TTC6: variants seen among roughly 807,000 people sequenced by gnomAD.
TTC6 encodes the protein tetratricopeptide repeat domain 6.
TTC6 carries 172 observed loss-of-function variants against 210.4 expected under a neutral mutation model. The ratio of observed to expected loss-of-function variants is 0.82; its 90% CI spans 0.72 to 0.93. TTC6 has a LOEUF of 0.93. TTC6 is among the 40% of genes least tolerant of loss of function. TTC6 has a pLI of 0.00. For missense variants in TTC6, 2,414 were observed against 2,318.1 expected (o/e 1.04, Z -0.85); for synonymous variants, 804 against 819.6 (o/e 0.98, Z 0.32).
chr14:37,842,371 C>CAAATGAAAA, exon 31 of TTC6: 5 of 1,278,946 alleles, frequency 3.9e-6, no homozygotes, highest in Non-Finnish European at 5.1e-6. Flanking sequence ...CTAAAAGGTT[C>CAAATGAAAA]TACCATTTTC....
At chr14:37,600,806 T>TG (rs1173216342) in intron 1 of TTC6, among the ~76,000 whole-genome samples, 1 of 152,238 alleles carries the variant, frequency 6.6e-6, no homozygotes, top group Non-Finnish European at 1.5e-5. Context: ...CACTGTTGGG[T>TG]GGCTGCTTCT....
chr14:37,780,790 C>T (rs1188379985), intron 14 of TTC6, among the ~76,000 whole-genome samples: 1 of 152,132 alleles, frequency 6.6e-6, no homozygotes, highest in Non-Finnish European at 1.5e-5. Context: ...GCCTCCCACC[C>T]ACCATGGACC....
At chr14:37,727,019 C>G (rs1464209730) in intron 7 of TTC6, among the ~76,000 whole-genome samples, 1 of 151,536 alleles carries the variant, frequency 6.6e-6, no homozygotes, top group Non-Finnish European at 1.5e-5. Flanking sequence ...AATACTTTCC[C>G]TATGTTTGTC....
At chr14:37,632,033 C>A (rs2095670919) in intron 1 of TTC6, among the ~76,000 whole-genome samples, 1 of 152,086 alleles carries the variant, frequency 6.6e-6, no homozygotes, top group Admixed American at 6.6e-5. Context: ...TTTCAAGGCT[C>A]TTAGCTTCCT....
chr14:37,779,840 C>T (rs1566948998), intron 14 of TTC6, among the ~76,000 whole-genome samples: 1 of 152,074 alleles, frequency 6.6e-6, no homozygotes, highest in Non-Finnish European at 1.5e-5. Context: ...TCTCAGGGGG[C>T]CTCATATGCC....
chr14:37,787,347 T>C (rs1018821080), intron 14 of TTC6, 121 bp from the exon 17 acceptor site: 8 of 752,980 alleles, frequency 1.1e-5, no homozygotes, highest in African/African-American at 1.0e-4. Context: ...TAAACTCTCT[T>C]GTGAAGCAAG....
At chr14:37,777,766 G>A (rs1481174500) in intron 14 of TTC6, among the ~76,000 whole-genome samples, 1 of 112,426 alleles carries the variant, frequency 8.9e-6, no homozygotes, top group Non-Finnish European at 1.8e-5. Context: ...TCTCCTTCGT[G>A]TAGGTTTTTT....
At chr14:37,737,938 T>A (rs2095906435) in intron 9 of TTC6, among the ~76,000 whole-genome samples, 1 of 151,924 alleles carries the variant, frequency 6.6e-6, no homozygotes, top group Non-Finnish European at 1.5e-5. Context: ...TTAGTACATA[T>A]CTTAAAGTAC....
intron 15 of TTC6, among the ~76,000 whole-genome samples, 175 bp downstream of exon 17, chr14:37,787,812 G>C (rs1408792390): frequency 6.6e-6 from 1 of 151,272 alleles, no homozygotes; most frequent in African/African-American, 2.4e-5. Context: ...TCTTATATAG[G>C]TATACAATAT....
intron 4 of TTC6, among the ~76,000 whole-genome samples, chr14:37,699,616 C>T (rs1401376785): frequency 6.6e-6 from 1 of 152,160 alleles, no homozygotes; most frequent in African/African-American, 2.4e-5. Flanking sequence ...CAGAGGCTGC[C>T]GTGCTCAACC....
intron 1 of TTC6, among the ~76,000 whole-genome samples, chr14:37,638,558 A>G (rs1433158020): frequency 6.7e-6 from 1 of 149,696 alleles, no homozygotes; most frequent in Non-Finnish European, 1.5e-5. Flanking sequence ...CCCGGCCTAT[A>G]TAATATTCTT....
intron 1 of TTC6, among the ~76,000 whole-genome samples, chr14:37,624,913 G>C (rs952620554): frequency 9.2e-5 from 14 of 151,990 alleles, no homozygotes; most frequent in Non-Finnish European, 1.5e-4. Flanking sequence ...GAGCCACTGC[G>C]CCCGGCCCCA....
chr14:37,836,678 G>A (rs2096198638), intron 29 of TTC6, among the ~76,000 whole-genome samples: 1 of 152,094 alleles, frequency 6.6e-6, no homozygotes, highest in South Asian at 2.1e-4. Context: ...AGACTAGCAG[G>A]CTTTGGGAAC....
At chr14:37,691,158 C>T (rs1211389765) in intron 3 of TTC6, among the ~76,000 whole-genome samples, 1 of 152,026 alleles carries the variant, frequency 6.6e-6, no homozygotes, top group East Asian at 1.9e-4. Context: ...GCTGAAACCC[C>T]ACCTGCACTA....
intron 7 of TTC6, among the ~76,000 whole-genome samples, chr14:37,725,348 A>ATGTATATATATATATATATATG: frequency 8.8e-6 from 1 of 113,274 alleles, no homozygotes; most frequent in Admixed American, 9.7e-5. Flanking sequence ...ATATATATAT[A>ATGTATATATATATATATATATG]TATATATATA....
chr14:37,744,431 G>A (rs984656330), intron 10 of TTC6, among the ~76,000 whole-genome samples: 2 of 152,216 alleles, frequency 1.3e-5, no homozygotes, highest in African/African-American at 2.4e-5. Context: ...ATATTTGAGC[G>A]TAGAACTGAA....
At chr14:37,626,734 G>C (rs558659022) in intron 1 of TTC6, among the ~76,000 whole-genome samples, 21 of 152,214 alleles carry the variant, frequency 1.4e-4, no homozygotes, top group Admixed American at 2.6e-4. Context: ...AATGCCAATG[G>C]TTACAGCTAG....
At chr14:37,796,483 T>C in intron 19 of TTC6, 113 bp downstream of exon 21, 1 of 538,300 alleles carries the variant, frequency 1.9e-6, no homozygotes, top group Non-Finnish European at 3.2e-6. Context: ...CAAATTAGAT[T>C]TTCAAACTTT....
chr14:37,781,521 T>A (rs1025534033), intron 14 of TTC6, among the ~76,000 whole-genome samples: 4 of 152,220 alleles, frequency 2.6e-5, no homozygotes, highest in African/African-American at 9.6e-5. Context: ...AGATTCTGGA[T>A]ATTAGCCGTT....
Sources: allele counts gnomAD v4.1 joint callset (sites outside exome capture counted in the v4.1 genomes callset), GRCh38; gene constraint gnomAD v4.1.1; transcripts MANE v1.5; gene names NCBI Gene and HGNC (gene_info 2026-07-23, HGNC 2026-07-21).